Variants in SRFBP1 observed in about 807,000 individuals in gnomAD.
SRFBP1 encodes serum response factor-binding protein 1.
SRFBP1 carries 47 observed loss-of-function variants against 45.5 expected under a neutral mutation model. That is an observed-to-expected ratio of 1.03 (90% CI 0.82 to 1.32). SRFBP1 has a LOEUF of 1.32. Ranked by LOEUF, SRFBP1 falls within the 40% of genes most tolerant of loss-of-function variation. SRFBP1 has a pLI of 0.00. For synonymous variants in SRFBP1, 203 were observed against 166.3 expected (o/e 1.22, Z -1.70); for missense variants, 621 against 484.6 (o/e 1.28, Z -2.64).
At chr5:122,076,351 G>A (rs1754629621), downstream of SRFBP1, among the ~76,000 whole-genome samples, 1 of 152,124 alleles carries the variant, frequency 6.6e-6, no homozygotes, top group South Asian at 2.1e-4. Context: ...CAATCCCAGA[G>A]TTACTATTTT....
chr5:122,061,788 C>T (rs892997193), intron 2 of SRFBP1, among the ~76,000 whole-genome samples: 2 of 151,872 alleles, frequency 1.3e-5, no homozygotes, highest in African/African-American at 4.8e-5. Flanking sequence ...ATAATCCTTT[C>T]CACTGAAAAG....
intron 2 of SRFBP1, among the ~76,000 whole-genome samples, chr5:122,071,134 T>C (rs1754438839): frequency 6.6e-6 from 1 of 152,162 alleles, no homozygotes; most frequent in South Asian, 2.1e-4. Context: ...TTACGTTGTA[T>C]CTTTGAATAA....
At chr5:122,031,382 C>T (rs1753586364), downstream of SRFBP1, among the ~76,000 whole-genome samples, 1 of 152,062 alleles carries the variant, frequency 6.6e-6, no homozygotes, top group Non-Finnish European at 1.5e-5. Context: ...ATGGTCCATG[C>T]ACTGATGGGG....
intron 2 of SRFBP1, among the ~76,000 whole-genome samples, chr5:122,047,704 G>T (rs1317223583): frequency 1.3e-5 from 2 of 152,014 alleles, no homozygotes; most frequent in African/African-American, 4.8e-5. Context: ...CCATTTGTTT[G>T]TATCCTCTTT....
rs575151383 is a variant in SRFBP1 at position 122,016,311 on chromosome 5, G to C, written c.271-2949G>C. 2.6e-5 allele frequency among the ~76,000 whole-genome samples: 4 copies of C among 151,212 alleles called. No individual in the cohort carries two copies. In the Middle Eastern group the frequency reaches 0.01, roughly 386 times the overall value. ...TTTTAGGGGAGCCAGTAGCTTCTTG[G>C]ACAGAAATGTACAAGGATGTAAATT... is the stretch of plus-strand genomic sequence containing the variant. On this transcript the variant is annotated intron_variant, in intron 4 of 7. Coordinates refer to ENST00000339397, the MANE Select transcript of SRFBP1 (RefSeq NM_152546.3).
chr5:122,044,505 A>G (rs1283216673), intron 2 of SRFBP1, among the ~76,000 whole-genome samples: 1 of 151,586 alleles, frequency 6.6e-6, no homozygotes, highest in Non-Finnish European at 1.5e-5. Flanking sequence ...CAACCTTGCC[A>G]GCATCTATTA....
At chr5:122,022,442 A>G (rs1753380349) in intron 7 of SRFBP1, 35 bp downstream of exon 7, 14 of 1,580,722 alleles carry the variant, frequency 8.9e-6, no homozygotes, top group East Asian at 6.8e-5. Context: ...TTCATATGCA[A>G]TTAAGCTATG....
intron 1 of SRFBP1, among the ~76,000 whole-genome samples, chr5:121,970,527 C>T (rs1752166033): frequency 6.6e-6 from 1 of 151,568 alleles, no homozygotes; most frequent in African/African-American, 2.4e-5. Context: ...TCTGTTTATG[C>T]AACGTGGCCG....
At chr5:121,987,689 A>G (rs530232643) in intron 3 of SRFBP1, among the ~76,000 whole-genome samples, 8 of 152,136 alleles carry the variant, frequency 5.3e-5, no homozygotes, top group Non-Finnish European at 1.2e-4. Context: ...TACTATTCCA[A>G]TTTTGATCAC....
chr5:121,992,641 T>G (rs1752642238), intron 3 of SRFBP1, among the ~76,000 whole-genome samples: 1 of 152,142 alleles, frequency 6.6e-6, no homozygotes, highest in African/African-American at 2.4e-5. Flanking sequence ...TAATCGCTAC[T>G]TAGGTTCTAG....
At chr5:121,993,759 A>G (rs1752661254) in intron 3 of SRFBP1, among the ~76,000 whole-genome samples, 1 of 152,080 alleles carries the variant, frequency 6.6e-6, no homozygotes, top group Non-Finnish European at 1.5e-5. Flanking sequence ...GCATTTTCTT[A>G]TTGTTAGACT....
chr5:122,049,534 C>T (rs1280436365), intron 2 of SRFBP1, among the ~76,000 whole-genome samples: 1 of 151,666 alleles, frequency 6.6e-6, no homozygotes, highest in Non-Finnish European at 1.5e-5. Flanking sequence ...ACCTAATAGA[C>T]ATCTACAGAA....
At chr5:122,071,406 C>A (rs1208370453) in intron 2 of SRFBP1, among the ~76,000 whole-genome samples, 1 of 152,140 alleles carries the variant, frequency 6.6e-6, no homozygotes, top group Non-Finnish European at 1.5e-5. Flanking sequence ...ACTATACTCT[C>A]TCTCATACAG....
intron 4 of SRFBP1, among the ~76,000 whole-genome samples, chr5:122,005,570 ATTTTTGTTTTTGT>A (rs1752957087): frequency 6.6e-6 from 1 of 150,410 alleles, no homozygotes; most frequent in Non-Finnish European, 1.5e-5. Context: ...GTTGGGTCTT[ATTTTTGTTTTTGT>A]TTTTTGTTTT....
chr5:122,002,096 T>G (rs912219140), intron 4 of SRFBP1, among the ~76,000 whole-genome samples: 1 of 152,192 alleles, frequency 6.6e-6, no homozygotes, highest in Non-Finnish European at 1.5e-5. Context: ...CTAAAGTATG[T>G]TAGATACAAT....
At chr5:121,974,729 T>C (rs1421224999) in intron 2 of SRFBP1, among the ~76,000 whole-genome samples, 5 of 151,908 alleles carry the variant, frequency 3.3e-5, no homozygotes, top group Non-Finnish European at 1.5e-5. Flanking sequence ...TAGAACATTG[T>C]GTTCCATGTA....
rs569939424 is a variant in SRFBP1 at position 122,006,967 on chromosome 5, T to C, written c.271-12293T>C. The stretch of plus-strand genomic sequence containing the variant: ...TTTGTCGTGTTGTATCTCTTAGGTT[T>C]TTTCTGTCTCTTGTTGCCTTATGTT... On this transcript the variant is annotated intron_variant, in intron 4 of 7. Coordinates refer to ENST00000339397, the MANE Select transcript of SRFBP1 (RefSeq NM_152546.3). Among the ~76,000 whole-genome samples, 33 of 152,194 alleles carry C rather than the reference T, an allele frequency of 2.2e-4. 1 individual carries two copies. In the South Asian group the frequency reaches 6.8e-3, roughly 32 times the overall value.
At chr5:122,034,950 A>C (rs1753663711) in intron 2 of SRFBP1, among the ~76,000 whole-genome samples, 1 of 152,138 alleles carries the variant, frequency 6.6e-6, no homozygotes, top group South Asian at 2.1e-4. Context: ...AATCTTTTCC[A>C]GGAGTGTCTG....
intron 1 of SRFBP1, among the ~76,000 whole-genome samples, chr5:121,968,779 C>T (rs1752129146): frequency 6.6e-6 from 1 of 152,164 alleles, no homozygotes; most frequent in East Asian, 1.9e-4. Context: ...TTTCCTCCAA[C>T]TTCATACAAA....
Sources: allele counts gnomAD v4.1 joint callset (sites outside exome capture counted in the v4.1 genomes callset), GRCh38; gene constraint gnomAD v4.1.1; transcripts MANE v1.5; gene names NCBI Gene and HGNC (gene_info 2026-07-23, HGNC 2026-07-21).